PHACTR4: variants seen among roughly 807,000 people sequenced by gnomAD.
The protein encoded by PHACTR4 is protein phosphatase 1, regulatory subunit 124.
In PHACTR4, 51 loss-of-function variants were observed where a neutral mutation model predicts 72.7. That is an observed-to-expected ratio of 0.70 (90% CI 0.56 to 0.89). PHACTR4 has a LOEUF of 0.89. PHACTR4 is among the 40% of genes least tolerant of loss of function. The pLI, the probability that PHACTR4 is intolerant of heterozygous loss-of-function variation, is 0.00. For synonymous variants in PHACTR4, 255 were observed against 302.5 expected, an observed-to-expected ratio of 0.84 and a Z score of 1.63; for missense variants, 731 against 861.8, an observed-to-expected ratio of 0.85 and a Z score of 1.90.
intron 9 of PHACTR4, among the ~76,000 whole-genome samples, chr1:28,483,495 A>G (rs1302859034): frequency 2.6e-5 from 4 of 151,430 alleles, no homozygotes; most frequent in African/African-American, 9.7e-5. Context: ...AGTTTGAAAA[A>G]TTACAAAAAA....
intron 5 of PHACTR4, 87 bp downstream of exon 5, chr1:28,465,936 G>T (rs566056212): frequency 1.5e-6 from 2 of 1,296,506 alleles, no homozygotes; most frequent in South Asian, 3.0e-5. Flanking sequence ...AGGGAAAAGT[G>T]AAATCTAGAG....
chr1:28,496,413 G>T (rs372655611), intron 13 of PHACTR4, 121 bp from the exon 14 acceptor site: 2 of 1,126,982 alleles, frequency 1.8e-6, no homozygotes, highest in African/African-American at 1.5e-5. Flanking sequence ...GAAAGGTCAG[G>T]TCGAATTAGA....
chr1:28,436,819 C>T (rs34288882), intron 2 of PHACTR4, among the ~76,000 whole-genome samples: 58,646 of 151,984 alleles, frequency 0.39, 13,007 homozygotes, highest in African/African-American at 0.6. Context: ...GCAAACTGGA[C>T]GTTCATTTGC....
At chr1:28,397,887 G>A (rs753752901) in intron 1 of PHACTR4, among the ~76,000 whole-genome samples, 1 of 151,638 alleles carries the variant, frequency 6.6e-6, no homozygotes, top group Non-Finnish European at 1.5e-5. Context: ...TGTTGTTTTT[G>A]TATTTTTAGT....
At chr1:28,438,069 T>G in intron 2 of PHACTR4, 8 of 954,860 alleles carry the variant, frequency 8.4e-6, no homozygotes, top group Non-Finnish European at 1.0e-5. Context: ...GCTATGCCAG[T>G]CAGCAGCCAG....
intron 2 of PHACTR4, among the ~76,000 whole-genome samples, chr1:28,414,578 A>G (rs956746833): frequency 2.0e-5 from 3 of 151,728 alleles, no homozygotes; most frequent in African/African-American, 4.8e-5. Flanking sequence ...CAGTCTCCCT[A>G]TGTTGCCCAG....
chr1:28,436,974 C>T (rs912087624), intron 2 of PHACTR4, among the ~76,000 whole-genome samples: 5 of 152,020 alleles, frequency 3.3e-5, no homozygotes, highest in Non-Finnish European at 4.4e-5. Context: ...ATATTTATTT[C>T]GTTTATTGTT....
chr1:28,385,436 T>A (rs1028596445), intron 1 of PHACTR4, among the ~76,000 whole-genome samples: 2 of 150,462 alleles, frequency 1.3e-5, no homozygotes, highest in African/African-American at 4.9e-5. Context: ...CCTGGCTTCT[T>A]GAAAGGCCGA....
At chr1:28,420,084 T>C (rs1332012235) in intron 2 of PHACTR4, among the ~76,000 whole-genome samples, 2 of 152,010 alleles carry the variant, frequency 1.3e-5, no homozygotes, top group Non-Finnish European at 2.9e-5. Flanking sequence ...TGAGACCCCA[T>C]CTCTACAAAA....
chr1:28,371,956 A>G (rs1030581491), intron 1 of PHACTR4, among the ~76,000 whole-genome samples: 3 of 151,634 alleles, frequency 2.0e-5, no homozygotes, highest in Non-Finnish European at 4.4e-5. Flanking sequence ...ATCTTGGCTC[A>G]CTGCAACCTC....
intron 2 of PHACTR4, among the ~76,000 whole-genome samples, chr1:28,410,686 G>A (rs1654720732): frequency 1.3e-5 from 2 of 152,064 alleles, no homozygotes; most frequent in South Asian, 4.1e-4. Flanking sequence ...CTGTGCTAGT[G>A]AGATTATTTT....
At chr1:28,424,482 T>C (rs1304378217) in intron 2 of PHACTR4, among the ~76,000 whole-genome samples, 1 of 144,374 alleles carries the variant, frequency 6.9e-6, no homozygotes, top group African/African-American at 2.7e-5. Flanking sequence ...TTTATTTTTA[T>C]TTTTAAATTT....
At chr1:28,457,303 AAGAG>A (rs571731503) in intron 2 of PHACTR4, 1 of 448,096 alleles carries the variant, frequency 2.2e-6, no homozygotes, top group Non-Finnish European at 4.5e-6. Flanking sequence ...CTAGTTTTAA[AAGAG>A]AGAGAGGCCA....
In PHACTR4 at chr1:28,384,383, A is replaced by T. The variant is rs549826328; in HGVS notation, c.-39+14558A>T. 1.7e-4 allele frequency among the ~76,000 whole-genome samples: 26 copies of T among 152,196 alleles called. No homozygotes were observed. The East Asian group carries it at 3.7e-3, about 21-fold the overall frequency. ...CAGGGATTCAATTTCTTCCTGGTTC[A>T]GTCTTGGGAGGGTGTATGTGTCTAG... On this transcript the variant is annotated intron_variant, in intron 1 of 13. Transcript: ENST00000373839.
Position 28,473,731 on chromosome 1 carries a change from TA to T in PHACTR4, c.1002del (p.Leu335TyrfsTer3), listed in dbSNP as rs772549580. 1 of 1,614,072 alleles carries T rather than the reference TA, an allele frequency of 6.2e-7. No individual in the cohort carries two copies. Among genetic ancestry groups the T allele is most frequent in the Non-Finnish European group, 8.5e-7 (1 of 1,180,018 alleles). On this transcript the variant is annotated frameshift_variant, in exon 7 of 14. Transcript: ENST00000373839. LOFTEE classifies it high-confidence loss of function. ...EKSTCSMGSELLPMISPRSPS... is the reference protein window; with the variant it reads ...EKSTCSMGSEXLPMISPRSPS... ...AGCACGTGTTCTATGGGCTCGGAAC[TA>T]CTACCAATGATCTCACCTCGCTCTC...
At chr1:28,407,378 T>C in intron 1 of PHACTR4, 32 bp from the exon 2 acceptor site, 1 of 1,206,718 alleles carries the variant, frequency 8.3e-7, no homozygotes, top group Non-Finnish European at 1.2e-6. Flanking sequence ...CTATATGTAT[T>C]AAGTGTATCA....
At chr1:28,444,121 C>T (rs1322714370) in intron 2 of PHACTR4, among the ~76,000 whole-genome samples, 1 of 151,408 alleles carries the variant, frequency 6.6e-6, no homozygotes, top group African/African-American at 2.4e-5. Context: ...TGATAATAGC[C>T]TCCTAACTGG....
intron 13 of PHACTR4, among the ~76,000 whole-genome samples, chr1:28,493,346 G>A (rs555260628): frequency 5.3e-5 from 8 of 151,982 alleles, no homozygotes; most frequent in Admixed American, 5.3e-4. Context: ...GAGACCAGCC[G>A]GACCAACATG....
chr1:28,385,012 A>C (rs538944465), intron 1 of PHACTR4, among the ~76,000 whole-genome samples: 1 of 152,212 alleles, frequency 6.6e-6, no homozygotes, highest in South Asian at 2.1e-4. Flanking sequence ...TCTGATACTG[A>C]TTATTCTCTT....
Sources: allele counts gnomAD v4.1 joint callset (sites outside exome capture counted in the v4.1 genomes callset), GRCh38; gene constraint gnomAD v4.1.1; transcripts MANE v1.5; gene names NCBI Gene and HGNC (gene_info 2026-07-23, HGNC 2026-07-21).